The following BPIFB4 variants were observed in gnomAD, a reference collection of about 807,000 sequenced individuals.
BPIFB4 encodes the protein BPI fold-containing family B member 4.
In BPIFB4, 62 loss-of-function variants were observed where a neutral mutation model predicts 69.2. That is an observed-to-expected ratio of 0.90 (90% CI 0.73 to 1.11). The LOEUF (loss-of-function observed/expected upper bound fraction) is 1.11, where lower values mean the gene tolerates loss of function less well. Ranked by LOEUF, BPIFB4 falls within the 50% of genes least tolerant of loss-of-function variation. The pLI is 0.00. For missense variants in BPIFB4, 789 were observed against 792.0 expected (o/e 1.00, Z 0.04); for synonymous variants, 330 against 332.7 (o/e 0.99, Z 0.09).
intron 16 of BPIFB4, among the ~76,000 whole-genome samples, chr20:33,106,092 G>C (rs1327337090): frequency 1.3e-5 from 2 of 152,126 alleles, no homozygotes; most frequent in Non-Finnish European, 1.5e-5. Flanking sequence ...TTTTTGAAAA[G>C]TCCTGCTGGA....
chr20:33,104,205 G>A (rs963104916), intron 15 of BPIFB4, among the ~76,000 whole-genome samples: 1 of 152,168 alleles, frequency 6.6e-6, no homozygotes, highest in Non-Finnish European at 1.5e-5. Context: ...TATGAGGCAA[G>A]GGTTACTCAC....
intron 11 of BPIFB4, among the ~76,000 whole-genome samples, chr20:33,093,368 T>TATCCAGCC (rs142842864): frequency 2.0e-5 from 3 of 150,222 alleles, no homozygotes; most frequent in Non-Finnish European, 3.0e-5. Context: ...TCCATCTATC[T>TATCCAGCC]ATCCAGCCAT....
chr20:33,104,973 T>G, intron 16 of BPIFB4, 100 bp downstream of exon 16: 1 of 1,218,790 alleles, frequency 8.2e-7, no homozygotes, highest in Non-Finnish European at 1.2e-6. Context: ...CCTACCTCAA[T>G]AGTATTTCTG....
At chr20:33,088,150 G>A (rs749508042) in intron 7 of BPIFB4, among the ~76,000 whole-genome samples, 23 of 151,858 alleles carry the variant, frequency 1.5e-4, no homozygotes, top group African/African-American at 4.1e-4. Context: ...CTTGTTTATC[G>A]TCGATTTTCC....
intron 17 of BPIFB4, among the ~76,000 whole-genome samples, chr20:33,109,187 T>C (rs2061655393): frequency 6.6e-6 from 1 of 152,136 alleles, no homozygotes; most frequent in African/African-American, 2.4e-5. Context: ...CTCATACAGT[T>C]TGTGGTGAGA....
chr20:33,107,476 C>A (rs1354459542), intron 16 of BPIFB4, among the ~76,000 whole-genome samples: 2 of 151,702 alleles, frequency 1.3e-5, no homozygotes, highest in African/African-American at 4.8e-5. Context: ...AACAAACAAA[C>A]AAAAAAAGCA....
intron 9 of BPIFB4, among the ~76,000 whole-genome samples, chr20:33,089,816 G>C (rs1981547793): frequency 6.6e-6 from 1 of 152,226 alleles, no homozygotes; most frequent in Non-Finnish European, 1.5e-5. Flanking sequence ...TGGGAGTCAG[G>C]GGTCTGGGAG....
At chr20:33,109,381 AC>A (rs1471321915) in intron 17 of BPIFB4, among the ~76,000 whole-genome samples, 1 of 152,064 alleles carries the variant, frequency 6.6e-6, no homozygotes, top group Non-Finnish European at 1.5e-5. Flanking sequence ...TTACCACATG[AC>A]CTTTCATGGA....
At chr20:33,104,934 C>T in intron 16 of BPIFB4, 61 bp downstream of exon 16, 1 of 1,520,036 alleles carries the variant, frequency 6.6e-7, no homozygotes, top group East Asian at 2.3e-5. Context: ...GGGATACTGG[C>T]TTGTTGGGCA....
rs1406745333 is a variant in BPIFB4, at chr20:33,082,986, G to A, written c.155G>A (p.Arg52Lys). 3.1e-6 allele frequency: 5 copies of A among 1,612,746 alleles called. No individual in the cohort carries two copies. In the Admixed American group the frequency reaches 6.7e-5, roughly 22 times the overall value. Residue 52 changes from arginine to lysine, a missense_variant, in exon 4 of 18, where the codon AGA (arginine) becomes AAA (lysine). Physicochemically the swap from Arg to Lys is conservative, Grantham distance 26. Around this residue, in one of 3 missense-constraint regions of BPIFB4, gnomAD observed 611 missense variants for 575.4 expected, o/e 1.06. Transcript: ENST00000375483. ...AGTGATGCTCTCCACTCGGCCCTGA[G>A]AGAGGTGCCCTTGGGTAAAGCCCGT... is the stretch of plus-strand genomic sequence containing the variant. ...QQSDALHSAL[R>K]EVPLGVGDIP...
intron 3 of BPIFB4, among the ~76,000 whole-genome samples, chr20:33,082,293 C>T (rs1389171765): frequency 1.3e-5 from 2 of 152,094 alleles, no homozygotes; most frequent in Non-Finnish European, 2.9e-5. Flanking sequence ...GACTATTTCC[C>T]AAGAATCAGT....
chr20:33,094,475 G>A (rs1600558605), intron 11 of BPIFB4, among the ~76,000 whole-genome samples: 1 of 151,764 alleles, frequency 6.6e-6, no homozygotes, highest in Admixed American at 6.6e-5. Context: ...GTTTTAATAA[G>A]GAATGACATT....
chr20:33,111,560 C>T lies in BPIFB4; in HGVS notation c.*123C>T. On this transcript the variant is annotated 3_prime_UTR_variant, in exon 18 of 18. Transcript: ENST00000375483. Reference sequence around the variant, plus strand: ...CCTCCATGACAGGTCCCTCCCTGGCCCCCCAACCCTCTTCCTCCCTTGCCC... The same window carrying T: ...CCTCCATGACAGGTCCCTCCCTGGCTCCCCAACCCTCTTCCTCCCTTGCCC... The T allele has an allele frequency of 1.6e-6, 2 of 1,233,990 alleles. No individual in the cohort carries two copies. Among genetic ancestry groups the T allele is most frequent in the Non-Finnish European group, 2.3e-6 (2 of 859,852 alleles). 76.4% of individuals were successfully genotyped at this position (1,233,990 alleles called of 1,614,324 possible).
intron 9 of BPIFB4, among the ~76,000 whole-genome samples, chr20:33,090,065 G>A (rs532060021): frequency 1.3e-5 from 2 of 152,286 alleles, no homozygotes; most frequent in South Asian, 2.1e-4. Context: ...AAGCAAGCCC[G>A]CCCTGTATGG....
At chr20:33,092,377 T>A in intron 10 of BPIFB4, 81 bp from the exon 11 acceptor site, 1 of 1,345,912 alleles carries the variant, frequency 7.4e-7, no homozygotes, top group Non-Finnish European at 1.0e-6. Context: ...TGGAGGCAGA[T>A]TCAGGGCCTC....
intron 17 of BPIFB4, among the ~76,000 whole-genome samples, chr20:33,110,871 A>G (rs975392236): frequency 4.2e-5 from 6 of 142,466 alleles, no homozygotes; most frequent in Admixed American, 1.5e-4. Flanking sequence ...GCTGGAGTGC[A>G]ATGGCGCGAT....
intron 5 of BPIFB4, among the ~76,000 whole-genome samples, chr20:33,084,172 T>C (rs2424947): frequency 0.39 from 59,991 of 152,036 alleles, 12,826 homozygotes; most frequent in African/African-American, 0.56. Context: ...TAATACAGTG[T>C]AGTGGAAAAG....
At chr20:33,086,689 C>T (rs1387571259) in intron 7 of BPIFB4, among the ~76,000 whole-genome samples, 2 of 152,150 alleles carry the variant, frequency 1.3e-5, no homozygotes, top group African/African-American at 4.8e-5. Flanking sequence ...GCGTTGGTGC[C>T]CCAGATCACA....
At chr20:33,103,044 G>C (rs536618258) in intron 15 of BPIFB4, 30 bp downstream of exon 15, 1 of 1,606,408 alleles carries the variant, frequency 6.2e-7, no homozygotes, top group Non-Finnish European at 8.5e-7. Flanking sequence ...CCCAGGGCAA[G>C]ATCTTCTGGG....
Sources: gnomAD v4.1 joint callset for allele counts (sites outside exome capture counted in the v4.1 genomes callset) on GRCh38, gnomAD v4.1.1 for gene constraint, gnomAD v4.1.1 regional missense constraint, MANE v1.5 for transcripts, NCBI Gene and HGNC (gene_info 2026-07-23, HGNC 2026-07-21) for gene names.